The following NFIA variants were observed in gnomAD, a reference collection of about 807,000 sequenced individuals.
NFIA encodes the protein nuclear factor I A.
Under a neutral mutation model 62.8 loss-of-function variants are expected in NFIA, and 8 were observed. The observed-to-expected ratio is 0.13, with a 90% CI of 0.07 to 0.23. The LOEUF (loss-of-function observed/expected upper bound fraction) is 0.23. Among genes scored for constraint, NFIA ranks in the 10% least tolerant of loss-of-function variants. NFIA has a pLI of 1.00. For synonymous variants in NFIA, 235 were observed against 238.1 expected (o/e 0.99, Z 0.12); for missense variants, 410 against 642.1 (o/e 0.64, Z 3.91).
intron 7 of NFIA, among the ~76,000 whole-genome samples, chr1:61,402,678 T>G (rs1237732637): frequency 6.6e-6 from 1 of 152,202 alleles, no homozygotes; most frequent in Non-Finnish European, 1.5e-5. Context: ...TGGCTCAGAT[T>G]TGTTTCTTGA....
chr1:61,385,495 G>C (rs2100489860), intron 7 of NFIA, among the ~76,000 whole-genome samples: 1 of 152,110 alleles, frequency 6.6e-6, no homozygotes, highest in African/African-American at 2.4e-5. Flanking sequence ...TCCCAATCTT[G>C]TATTCTTATA....
chr1:61,263,394 A>G (rs1388095773), intron 2 of NFIA, among the ~76,000 whole-genome samples: 1 of 152,134 alleles, frequency 6.6e-6, no homozygotes, highest in Non-Finnish European at 1.5e-5. Context: ...CACAGGCAGG[A>G]GTGTGGGGTG....
At chr1:61,274,941 C>T (rs945179968) in intron 2 of NFIA, among the ~76,000 whole-genome samples, 1 of 152,068 alleles carries the variant, frequency 6.6e-6, no homozygotes, top group Non-Finnish European at 1.5e-5. Context: ...TGGTATTGAA[C>T]GGCCGAGGGT....
At chr1:61,250,768 TTTTTC>T (rs1307603313) in intron 2 of NFIA, among the ~76,000 whole-genome samples, 2 of 152,182 alleles carry the variant, frequency 1.3e-5, no homozygotes, top group African/African-American at 4.8e-5. Flanking sequence ...TAGCTCGAGT[TTTTTC>T]TTAGAAGTAA....
At chr1:61,284,583 G>A (rs537642809) in intron 3 of NFIA, among the ~76,000 whole-genome samples, 2 of 152,002 alleles carry the variant, frequency 1.3e-5, no homozygotes, top group East Asian at 3.9e-4. Context: ...GGGTGTGGGG[G>A]GAGATTTGTA....
intron 4 of NFIA, among the ~76,000 whole-genome samples, chr1:61,351,329 G>C (rs2024789): frequency 0.43 from 65,570 of 152,010 alleles, 15,272 homozygotes; most frequent in East Asian, 0.65. Flanking sequence ...ATAGTTCTTG[G>C]CAGTAGCAGG....
At chr1:61,239,532 ATTATCC>A (rs902382880) in intron 2 of NFIA, among the ~76,000 whole-genome samples, 1 of 152,148 alleles carries the variant, frequency 6.6e-6, no homozygotes, top group African/African-American at 2.4e-5. Context: ...TCTTATTAGA[ATTATCC>A]TTGAAAAACT....
intron 3 of NFIA, among the ~76,000 whole-genome samples, chr1:61,277,991 C>T (rs1251187000): frequency 6.6e-6 from 1 of 151,732 alleles, no homozygotes. Context: ...GATTTAAGAT[C>T]ATTCATTCAC....
intron 3 of NFIA, among the ~76,000 whole-genome samples, chr1:61,328,475 G>A (rs1380392479): frequency 2.6e-5 from 4 of 151,762 alleles, no homozygotes; most frequent in Non-Finnish European, 5.9e-5. Flanking sequence ...AAGCTGGAGT[G>A]CAATGGCACG....
In NFIA at chr1:61,457,698, T is replaced by C. The variant is rs1031730172; in HGVS notation, c.*2378T>C. Reference sequence around the variant, plus strand: ...GCAGTGTGTTTTAGGTGTTTGTCTTTGTACTTTTTTGTGATTTTTGAATGC... The same window carrying C: ...GCAGTGTGTTTTAGGTGTTTGTCTTCGTACTTTTTTGTGATTTTTGAATGC... On this transcript the variant is annotated 3_prime_UTR_variant, in exon 11 of 11. Coordinates refer to ENST00000403491, the MANE Select transcript of NFIA (RefSeq NM_001134673.4). The surrounding 1 kb of genome is among the most constrained non-coding windows in gnomAD (Gnocchi z 4.2). 5 of 152,204 alleles carry C rather than the reference T, an allele frequency of 3.3e-5. No individual in the cohort carries two copies. Among genetic ancestry groups the C allele is most frequent in the African/African-American group, 9.6e-5 (4 of 41,460 alleles). The allele number at this position is 152,204 out of a possible 1,614,324, so 9.4% of individuals were successfully genotyped here.
intron 10 of NFIA, among the ~76,000 whole-genome samples, chr1:61,450,096 C>G (rs1412750932): frequency 6.6e-6 from 1 of 152,168 alleles, no homozygotes; most frequent in Non-Finnish European, 1.5e-5. Flanking sequence ...TATCTGGTAT[C>G]ATGAAGGGTC....
intron 2 of NFIA, among the ~76,000 whole-genome samples, chr1:61,122,046 G>A (rs150577659): frequency 0.01 from 1,533 of 152,232 alleles, 11 homozygotes; most frequent in Non-Finnish European, 0.017. Context: ...TTCATTTAAC[G>A]CACATTTTAG....
intron 2 of NFIA, among the ~76,000 whole-genome samples, chr1:61,097,007 A>G (rs1646427874): frequency 6.6e-6 from 1 of 152,244 alleles, no homozygotes; most frequent in Non-Finnish European, 1.5e-5. Context: ...TTTAAAAATA[A>G]GCAGCTGAAC....
chr1:61,103,610 A>G (rs1646548216), intron 2 of NFIA, among the ~76,000 whole-genome samples: 1 of 152,192 alleles, frequency 6.6e-6, no homozygotes, highest in Non-Finnish European at 1.5e-5. Context: ...TTAACTGTGC[A>G]CTCAGTATCT....
intron 3 of NFIA, among the ~76,000 whole-genome samples, chr1:61,330,460 C>T (rs955093994): frequency 4.5e-5 from 6 of 132,884 alleles, no homozygotes; most frequent in East Asian, 2.7e-4. Context: ...CACACACACA[C>T]GCACACATCT....
chr1:61,234,578 A>G (rs879363791), intron 2 of NFIA, among the ~76,000 whole-genome samples: 1 of 152,106 alleles, frequency 6.6e-6, no homozygotes, highest in Non-Finnish European at 1.5e-5. Context: ...CTTCATAAAT[A>G]CTAGCATATA....
chr1:61,427,489 A>G (rs1210760131), intron 10 of NFIA, among the ~76,000 whole-genome samples: 2 of 152,218 alleles, frequency 1.3e-5, no homozygotes, highest in African/African-American at 4.8e-5. Context: ...TTTTGTGCAC[A>G]TGCCTGTGTG....
intron 7 of NFIA, among the ~76,000 whole-genome samples, chr1:61,402,231 G>C (rs1255928763): frequency 6.6e-6 from 1 of 151,300 alleles, no homozygotes; most frequent in Non-Finnish European, 1.5e-5. Context: ...GTAGAGATGG[G>C]GTTTCACCGT....
intron 3 of NFIA, among the ~76,000 whole-genome samples, chr1:61,302,562 T>C (rs1018406681): frequency 7.2e-5 from 11 of 152,160 alleles, no homozygotes; most frequent in Non-Finnish European, 1.2e-4. Flanking sequence ...CCCAACAGGA[T>C]GTTTTATTTT....
Sources: allele counts gnomAD v4.1 joint callset (sites outside exome capture counted in the v4.1 genomes callset), GRCh38; gene constraint gnomAD v4.1.1; non-coding constraint Gnocchi (gnomAD v3.1); transcripts MANE v1.5; gene names NCBI Gene and HGNC (gene_info 2026-07-23, HGNC 2026-07-21).